Variants in CHD1L observed in about 807,000 individuals in gnomAD.
CHD1L encodes chromodomain helicase DNA binding protein 1 like.
In CHD1L, 118 loss-of-function variants were observed where a neutral mutation model predicts 115.9. The ratio of observed to expected loss-of-function variants is 1.02; its 90% CI spans 0.88 to 1.19. The LOEUF is 1.19. Among genes scored for constraint, CHD1L ranks in the 50% most tolerant of loss-of-function variants. The probability of loss-of-function intolerance (pLI) is 0.00; values close to 1 mark genes in which losing one functional copy is unlikely to be tolerated. For synonymous variants in CHD1L, 411 were observed against 387.1 expected (o/e 1.06, Z -0.72); for missense variants, 1,179 against 1,065.3 (o/e 1.11, Z -1.49).
At chr1:147,211,985 G>A in the CHD1L span, among the ~76,000 whole-genome samples, 7 of 152,298 alleles carry the variant, frequency 4.6e-5, no homozygotes, top group Admixed American at 2.6e-4. Context: ...ATGATCACGC[G>A]TGCTTTCCTT....
intron 11 of CHD1L, 147 bp downstream of exon 11, chr1:147,271,152 G>C: frequency 1.5e-6 from 1 of 652,820 alleles, no homozygotes; most frequent in Non-Finnish European, 2.6e-6. Context: ...CAAAAGGCGA[G>C]AGGAGAGTGA....
Position 147,272,186 on chromosome 1 carries a change from G to A in CHD1L, c.1175G>A (p.Arg392His), listed in dbSNP as rs782668695. Reference protein sequence around the residue: ...YMDYRGYSYERVDGSVRGEER... With the variant: ...YMDYRGYSYEHVDGSVRGEER... ...CTCTGTAAAGGCTACAGCTATGAGC[G>A]TGTGGATGGTTCTGTGAGAGGAGAA... The change falls in exon 12 of 23, where the codon CGT becomes CAT. Residue 392 changes from arginine (R) to histidine (H), a missense_variant. Physicochemically the swap from Arg to His is conservative, Grantham distance 29. Coordinates refer to ENST00000369258, the MANE Select transcript of CHD1L (RefSeq NM_004284.6). 54 of 1,613,542 alleles carry A rather than the reference G, an allele frequency of 3.3e-5. No individual in the cohort carries two copies. The highest frequency in any genetic ancestry group is 1.9e-4 in the South Asian group (17 of 91,048).
chr1:147,180,754 G>A, the CHD1L span, among the ~76,000 whole-genome samples: 2 of 152,164 alleles, frequency 1.3e-5, no homozygotes, highest in Non-Finnish European at 1.5e-5. Flanking sequence ...AAGGCCTAAG[G>A]ATCAGTGAGC....
chr1:147,265,987 G>A lies in CHD1L; in HGVS notation c.795G>A (p.Glu265=). The change falls in exon 8 of 23, where the codon GAG becomes GAA. Residue 265 remains glutamate, a synonymous_variant. Transcript: ENST00000369258. ...QPFLLRRVKA[E]VATELPKKTE... is the part of the protein sequence containing the mutation. Reference sequence around the variant, plus strand: ...TTCTGCTGAGGCGAGTGAAAGCTGAGGTAGCTACAGAGCTTCCCAAGAAGA... The same window carrying A: ...TTCTGCTGAGGCGAGTGAAAGCTGAAGTAGCTACAGAGCTTCCCAAGAAGA... 6 of 1,613,736 alleles carry A rather than the reference G, an allele frequency of 3.7e-6. No individual in the cohort carries two copies. The highest frequency in any genetic ancestry group is 5.1e-6 in the Non-Finnish European group (6 of 1,179,840).
intron 2 of CHD1L, among the ~76,000 whole-genome samples, chr1:147,254,534 G>T (rs1368526297): frequency 6.6e-6 from 1 of 152,086 alleles, no homozygotes; most frequent in Non-Finnish European, 1.5e-5. Context: ...TCAGAGTATC[G>T]CAGATCTTGG....
At position 147,295,670 on chromosome 1, in the gene CHD1L, T is replaced by C. The variant is rs1363666511; in HGVS notation, c.*161T>C. On this transcript the variant is annotated 3_prime_UTR_variant, in exon 23 of 23. Transcript: ENST00000369258. ...TTCTCCTGGATGTTTTGCTCTGTTT[T>C]GGTACCTGTAATATAGGGAAACACA... The C allele has an allele frequency of 1.7e-6, 1 of 603,764 alleles. No individual in the cohort carries two copies. Among genetic ancestry groups the C allele is most frequent in the African/African-American group, 1.9e-5 (1 of 52,518 alleles). 37.4% of individuals were successfully genotyped at this position (603,764 alleles called of 1,614,324 possible). A position where few individuals can be genotyped will look rare whatever the true frequency, so the allele number is the denominator to read the frequency against.
the CHD1L span, among the ~76,000 whole-genome samples, chr1:147,189,156 C>CCGA: frequency 6.6e-6 from 1 of 151,932 alleles, no homozygotes; most frequent in Non-Finnish European, 1.5e-5. Flanking sequence ...CACCTGTAGT[C>CCGA]CTAGCTACTC....
chr1:147,180,512 C>T, the CHD1L span, among the ~76,000 whole-genome samples: 3 of 152,160 alleles, frequency 2.0e-5, no homozygotes, highest in Non-Finnish European at 4.4e-5. Context: ...AGGATGGTTT[C>T]GATCTCTTGA....
chr1:147,190,148 C>A, the CHD1L span: 26 of 1,402,336 alleles, frequency 1.9e-5, no homozygotes, highest in Non-Finnish European at 2.5e-5. Context: ...AGAAATGTAA[C>A]CATATATCTT....
At chr1:147,179,900 AT>A in the CHD1L span, among the ~76,000 whole-genome samples, 5,383 of 151,238 alleles carry the variant, frequency 0.036, 139 homozygotes, top group South Asian at 0.093. Context: ...GTATTTTCTA[AT>A]TTTTTTGTGC....
chr1:147,217,874 A>G, the CHD1L span, among the ~76,000 whole-genome samples: 1 of 152,144 alleles, frequency 6.6e-6, no homozygotes, highest in Non-Finnish European at 1.5e-5. Context: ...TATCTCTCCA[A>G]CTAGATTGTA....
chr1:147,225,855 G>A, the CHD1L span: 1 of 152,176 alleles, frequency 6.6e-6, no homozygotes, highest in South Asian at 2.1e-4. Context: ...CGTCTTAAGA[G>A]CCGAGCTCCC....
chr1:147,203,401 G>A, the CHD1L span: 9 of 961,498 alleles, frequency 9.4e-6, no homozygotes, highest in Non-Finnish European at 1.5e-5. Flanking sequence ...GAGTTTGATA[G>A]ACCAGTGTTT....
chr1:147,228,008 A>ACTT, the CHD1L span, among the ~76,000 whole-genome samples: 5 of 35,746 alleles, frequency 1.4e-4, no homozygotes, highest in South Asian at 3.4e-3. Flanking sequence ...CATGGAGGCC[A>ACTT]CTTTTTTTTT....
chr1:147,174,942 A>C, the CHD1L span: 4 of 152,174 alleles, frequency 2.6e-5, no homozygotes, highest in African/African-American at 9.7e-5. Context: ...GAAAAATAAC[A>C]TGGGCAGCCT....
intron 19 of CHD1L, among the ~76,000 whole-genome samples, chr1:147,289,072 T>C (rs1684504086): frequency 6.6e-6 from 1 of 152,162 alleles, no homozygotes; most frequent in African/African-American, 2.4e-5. Context: ...GAATGACTAC[T>C]TTTTCTAGTA....
chr1:147,229,260 T>C, the CHD1L span, among the ~76,000 whole-genome samples: 1 of 152,226 alleles, frequency 6.6e-6, no homozygotes, highest in Non-Finnish European at 1.5e-5. Context: ...ATTTATTAAA[T>C]AGGGAATCCT....
At chr1:147,215,856 T>G in the CHD1L span, 1 of 1,613,622 alleles carries the variant, frequency 6.2e-7, no homozygotes. Context: ...GATCTGGGAT[T>G]GGATAGTCAC....
At chr1:147,254,216 A>G (rs1404287530) in intron 2 of CHD1L, among the ~76,000 whole-genome samples, 1 of 152,182 alleles carries the variant, frequency 6.6e-6, no homozygotes, top group Non-Finnish European at 1.5e-5. Context: ...TTTCCATTTT[A>G]TACCCTTCCT....
Sources: gnomAD v4.1 joint callset for allele counts (sites outside exome capture counted in the v4.1 genomes callset) on GRCh38, gnomAD v4.1.1 for gene constraint, MANE v1.5 for transcripts, NCBI Gene and HGNC (gene_info 2026-07-23, HGNC 2026-07-21) for gene names.